The following BMERB1 variants were observed in gnomAD, a reference collection of about 807,000 sequenced individuals.
BMERB1 encodes the protein bMERB domain containing 1.
A neutral mutation model predicts 23.6 loss-of-function variants in BMERB1; 12 were observed. The observed-to-expected ratio is 0.51, with a 90% confidence interval of 0.33 to 0.82. The LOEUF (loss-of-function observed/expected upper bound fraction) is 0.82. Among genes scored for constraint, BMERB1 ranks in the 40% least tolerant of loss-of-function variants. The probability of loss-of-function intolerance (pLI) is 0.03; values close to 1 mark genes in which losing one functional copy is unlikely to be tolerated. For missense variants in BMERB1, 247 were observed against 255.4 expected, an observed-to-expected ratio of 0.97 and a Z score of 0.22; for synonymous variants, 122 against 96.6, an observed-to-expected ratio of 1.26 and a Z score of -1.54.
At chr16:15,568,106 C>G (rs1295264605) in intron 3 of BMERB1, 50 bp downstream of exon 3, 1 of 1,540,360 alleles carries the variant, frequency 6.5e-7, no homozygotes, top group African/African-American at 1.4e-5. Flanking sequence ...TGGGGGCCCC[C>G]AGCCTGGCCC....
intron 1 of BMERB1, among the ~76,000 whole-genome samples, chr16:15,503,713 G>GTT (rs2051554656): frequency 6.6e-6 from 1 of 152,162 alleles, no homozygotes; most frequent in Admixed American, 6.5e-5. Context: ...TGAGGCAGGA[G>GTT]TTATTAGTCC....
intron 3 of BMERB1, among the ~76,000 whole-genome samples, chr16:15,570,605 G>A (rs965100234): frequency 6.6e-6 from 1 of 152,038 alleles, no homozygotes; most frequent in Non-Finnish European, 1.5e-5. Flanking sequence ...CAAAGTTCTT[G>A]GACCAAGAGC....
rs186555871 is a variant in BMERB1, at chr16:15,509,608, G to A, written c.107-5697G>A. On this transcript the variant is annotated intron_variant, in intron 1 of 5. Coordinates refer to ENST00000300006, the MANE Select transcript of BMERB1 (RefSeq NM_033201.3). ...AATGAGGATTTCTGACACTGCCCCC[G>A]CCTAGCTGTTTTTTGCCAGACCCCA... Among the ~76,000 whole-genome samples the A allele has an allele frequency of 2.6e-3, 393 of 152,188 alleles. 2 individuals carry two copies. The highest frequency in any genetic ancestry group is 9.0e-3 in the African/African-American group (374 of 41,522).
At chr16:15,574,604 C>G (rs1183921971) in intron 3 of BMERB1, among the ~76,000 whole-genome samples, 2 of 151,634 alleles carry the variant, frequency 1.3e-5, no homozygotes, top group Non-Finnish European at 2.9e-5. Context: ...TTTTTAAAGG[C>G]AGGGGTAAAT....
intron 1 of BMERB1, among the ~76,000 whole-genome samples, chr16:15,455,491 C>T (rs950580506): frequency 5.9e-5 from 9 of 151,862 alleles, no homozygotes; most frequent in South Asian, 2.1e-4. Flanking sequence ...GATGGAGTCT[C>T]GCTCTGTTGC....
intron 4 of BMERB1, among the ~76,000 whole-genome samples, chr16:15,582,369 C>G (rs999355844): frequency 6.6e-6 from 1 of 152,178 alleles, no homozygotes. Context: ...CCAATGCACT[C>G]TAGCCTGGGT....
chr16:15,443,597 G>T (rs1350809581), intron 1 of BMERB1, among the ~76,000 whole-genome samples: 1 of 151,958 alleles, frequency 6.6e-6, no homozygotes, highest in Non-Finnish European at 1.5e-5. Context: ...TTATAAAGCA[G>T]TATAATGAAA....
intron 3 of BMERB1, among the ~76,000 whole-genome samples, chr16:15,573,608 C>T (rs970142703): frequency 6.6e-6 from 1 of 152,130 alleles, no homozygotes; most frequent in African/African-American, 2.4e-5. Context: ...CTGCAAAATA[C>T]CTCAAGCATT....
At chr16:15,563,323 C>CG (rs2030476998) in intron 2 of BMERB1, among the ~76,000 whole-genome samples, 1 of 125,280 alleles carries the variant, frequency 8.0e-6, no homozygotes, top group African/African-American at 5.6e-5. Flanking sequence ...TGGGTTCACA[C>CG]ATTCTCCTGC....
intron 2 of BMERB1, among the ~76,000 whole-genome samples, chr16:15,518,423 T>A (rs1461745659): frequency 6.6e-6 from 1 of 152,156 alleles, no homozygotes; most frequent in Non-Finnish European, 1.5e-5. Flanking sequence ...TTGTATGGTG[T>A]GTAGCTTGCC....
intron 1 of BMERB1, among the ~76,000 whole-genome samples, chr16:15,443,654 G>A (rs190414475): frequency 1.3e-5 from 2 of 151,664 alleles, no homozygotes; most frequent in East Asian, 2.0e-4. Flanking sequence ...ATGGTGGCTC[G>A]AGCCTGTAAT....
chr16:15,435,666 C>G (rs543359791), intron 1 of BMERB1, among the ~76,000 whole-genome samples: 2 of 152,188 alleles, frequency 1.3e-5, no homozygotes, highest in African/African-American at 2.4e-5. Flanking sequence ...GTCACTGCTC[C>G]GCGCTCTGCC....
At chr16:15,500,287 A>T (rs1222414268) in intron 1 of BMERB1, among the ~76,000 whole-genome samples, 1 of 152,082 alleles carries the variant, frequency 6.6e-6, no homozygotes, top group Non-Finnish European at 1.5e-5. Flanking sequence ...TGGGGCCTGC[A>T]CCGCACACAC....
At chr16:15,543,455 G>A (rs1027555487) in intron 2 of BMERB1, among the ~76,000 whole-genome samples, 3 of 152,090 alleles carry the variant, frequency 2.0e-5, no homozygotes, top group Non-Finnish European at 2.9e-5. Flanking sequence ...TCCTTCTGCC[G>A]CCTGTCCGTA....
intron 1 of BMERB1, among the ~76,000 whole-genome samples, chr16:15,472,940 A>C (rs114037465): frequency 0.015 from 2,188 of 150,172 alleles, 61 homozygotes; most frequent in African/African-American, 0.052. Flanking sequence ...GCTCACTGCA[A>C]CCTTTACTTT....
intron 2 of BMERB1, among the ~76,000 whole-genome samples, chr16:15,518,055 A>C (rs907269945): frequency 3.3e-5 from 5 of 151,854 alleles, no homozygotes; most frequent in African/African-American, 1.2e-4. Context: ...GGATGTATGG[A>C]TATGTGTGTG....
chr16:15,450,191 G>A (rs569807221), intron 1 of BMERB1, among the ~76,000 whole-genome samples: 2 of 152,222 alleles, frequency 1.3e-5, no homozygotes, highest in African/African-American at 2.4e-5. Flanking sequence ...CTAAGTGAAT[G>A]GATGTGGCTA....
At chr16:15,559,590 G>A (rs1386970536) in intron 2 of BMERB1, among the ~76,000 whole-genome samples, 1 of 152,236 alleles carries the variant, frequency 6.6e-6, no homozygotes, top group Admixed American at 6.5e-5. Context: ...TGCACAGAAA[G>A]TGCATTTACA....
At chr16:15,545,657 G>T (rs1044562107) in intron 2 of BMERB1, among the ~76,000 whole-genome samples, 1 of 152,134 alleles carries the variant, frequency 6.6e-6, no homozygotes, top group Non-Finnish European at 1.5e-5. Context: ...CCAGGAAGCC[G>T]CCATTGCTGG....
Sources: allele counts gnomAD v4.1 joint callset (sites outside exome capture counted in the v4.1 genomes callset), GRCh38; gene constraint gnomAD v4.1.1; transcripts MANE v1.5; gene names NCBI Gene and HGNC (gene_info 2026-07-23, HGNC 2026-07-21).